Variants in CLEC12A observed in about 807,000 individuals in gnomAD.
CLEC12A encodes C-type lectin protein CLL-1.
A neutral mutation model predicts 26.5 loss-of-function variants in CLEC12A; 22 were observed. That is an observed-to-expected ratio of 0.83 (90% confidence interval 0.59 to 1.19). The LOEUF is 1.19. Ranked by LOEUF, CLEC12A falls within the 50% of genes most tolerant of loss-of-function variation. The probability of loss-of-function intolerance (pLI) is 0.00; values close to 1 mark genes in which losing one functional copy is unlikely to be tolerated. For synonymous variants in CLEC12A, 119 were observed against 101.9 expected (o/e 1.17, Z -1.01); for missense variants, 353 against 315.6 (o/e 1.12, Z -0.90).
At chr12:9,995,319 G>T in exon 5 of CLEC12A, 1 of 1,296,752 alleles carries the variant, frequency 7.7e-7, no homozygotes, top group Non-Finnish European at 1.1e-6. Context: ...AAAGCTTCAT[G>T]ATAAGACGTT....
chr12:9,956,487 A>C (rs1447876), intron 1 of CLEC12A, among the ~76,000 whole-genome samples: 43,372 of 151,968 alleles, frequency 0.29, 6,691 homozygotes, highest in East Asian at 0.47. Context: ...GGCCCAGAAA[A>C]CTCAAGTTGT....
downstream of CLEC12A, among the ~76,000 whole-genome samples, chr12:9,990,335 T>C (rs1864863515): frequency 6.6e-6 from 1 of 152,194 alleles, no homozygotes; most frequent in Admixed American, 6.6e-5. Context: ...AAAAGATTTG[T>C]GATTCATGGA....
At chr12:9,993,966 CTTTCA>C (rs1447228450) in intron 4 of CLEC12A, among the ~76,000 whole-genome samples, 1 of 151,996 alleles carries the variant, frequency 6.6e-6, no homozygotes, top group Non-Finnish European at 1.5e-5. Flanking sequence ...TGTTGGGGAA[CTTTCA>C]TTTAAGTGGG....
At chr12:9,975,155 C>G (rs1438381898) in intron 1 of CLEC12A, among the ~76,000 whole-genome samples, 1 of 152,032 alleles carries the variant, frequency 6.6e-6, no homozygotes, top group Non-Finnish European at 1.5e-5. Context: ...CTTTATCAGT[C>G]GTGTGAAAAT....
At chr12:9,989,201 C>G (rs1362721703), downstream of CLEC12A, among the ~76,000 whole-genome samples, 1 of 94,344 alleles carries the variant, frequency 1.1e-5, no homozygotes, top group Non-Finnish European at 2.0e-5. Flanking sequence ...CATCACACAC[C>G]GGGGCCTGTT....
upstream of CLEC12A, among the ~76,000 whole-genome samples, chr12:9,970,397 A>T (rs970262010): frequency 3.3e-5 from 5 of 152,288 alleles, no homozygotes; most frequent in African/African-American, 7.2e-5. Context: ...ATTGATTTTT[A>T]AAAATATTTA....
chr12:9,954,436 AGTGAG>A (rs1863708697), intron 1 of CLEC12A, among the ~76,000 whole-genome samples: 1 of 152,064 alleles, frequency 6.6e-6, no homozygotes, highest in Non-Finnish European at 1.5e-5. Context: ...TTGAGGCTGC[AGTGAG>A]CCTTGATCAC....
In CLEC12A at chr12:9,985,173, T is replaced by A. The variant is rs1864727508; in HGVS notation, c.*147T>A. On this transcript the variant is annotated 3_prime_UTR_variant, in exon 6 of 6. Transcript: ENST00000304361. ...AGATGAAACATCCAGGTAGCAAGCT[T>A]CAGAGAGAATAGACTGTGAATGTTA... 1.2e-6 allele frequency: 1 copy of A among 862,360 alleles called. No homozygotes were observed. The allele number at this position is 862,360 out of a possible 1,614,324, so 53.4% of individuals were successfully genotyped here. A position where few individuals can be genotyped will look rare whatever the true frequency, so the allele number is the denominator to read the frequency against.
At position 9,985,286 on chromosome 12, in the gene CLEC12A, GT is replaced by G. The variant is rs71049028; in HGVS notation, c.*262del. Reference sequence around the variant, plus strand: ...GAGGAAGAGGAAGTCCATTCAGATAGTTGTGGGGGGCCTTCGAATTTTCATT... The same window carrying G: ...GAGGAAGAGGAAGTCCATTCAGATAGTGTGGGGGGCCTTCGAATTTTCATT... On this transcript the variant is annotated 3_prime_UTR_variant, in exon 6 of 6. Coordinates refer to ENST00000304361, the MANE Select transcript of CLEC12A (RefSeq NM_138337.6). 64,847 of 403,356 alleles carry G rather than the reference GT, an allele frequency of 0.16. 5,635 individuals are homozygous for G. Among genetic ancestry groups the G allele is most frequent in the South Asian group, 0.35 (2,542 of 7,176 alleles). The allele number at this position is 403,356 out of a possible 1,614,324, so 25.0% of individuals were successfully genotyped here. A position where few individuals can be genotyped will look rare whatever the true frequency, so the allele number is the denominator to read the frequency against.
chr12:10,002,866 T>C, the CLEC12A span, among the ~76,000 whole-genome samples: 4 of 152,226 alleles, frequency 2.6e-5, no homozygotes, highest in Admixed American at 2.6e-4. Context: ...TAAGGCTGAA[T>C]AATGAGTTAA....
chr12:9,986,073 G>A (rs1864758223), downstream of CLEC12A: 1 of 452,260 alleles, frequency 2.2e-6, no homozygotes, highest in Non-Finnish European at 4.5e-6. Flanking sequence ...AGCATTCTCA[G>A]TGAAATACAG....
Position 9,982,086 on chromosome 12 carries a change from A to C in CLEC12A, c.598A>C (p.Thr200Pro). 1.9e-6 allele frequency: 3 copies of C among 1,601,060 alleles called. No individual in the cohort carries two copies. The highest frequency in any genetic ancestry group is 8.6e-7 in the Non-Finnish European group (1 of 1,169,008). ...WLGLSPEEDS[T>P]RGMRVDNIIN... ...GGGATTATCTCCTGAAGAAGATTCC[A>C]CTCGTGGTATGAGAGTGGATAATAT... is the stretch of plus-strand genomic sequence containing the variant. Residue 200 changes from threonine (T) to proline (P), a missense_variant, in exon 5 of 6, where the codon ACT becomes CCT. Physicochemically the swap from Thr to Pro is conservative, Grantham distance 38 (BLOSUM62 -1). Transcript: ENST00000304361.
chr12:10,001,541 G>A, the CLEC12A span, among the ~76,000 whole-genome samples: 13 of 152,150 alleles, frequency 8.5e-5, no homozygotes, highest in Non-Finnish European at 1.3e-4. Context: ...TGACTTTGTG[G>A]TGTTAGAAGC....
At chr12:9,973,804 A>T (rs760425090) in intron 1 of CLEC12A, among the ~76,000 whole-genome samples, 1 of 151,682 alleles carries the variant, frequency 6.6e-6, no homozygotes, top group African/African-American at 2.4e-5. Flanking sequence ...GACTTCCGTA[A>T]TTTTTTCCTT....
upstream of CLEC12A, among the ~76,000 whole-genome samples, chr12:9,971,224 A>G (rs1174263847): frequency 1.3e-5 from 2 of 152,168 alleles, no homozygotes; most frequent in African/African-American, 2.4e-5. Flanking sequence ...TGTCTGCACC[A>G]TGTGGTGCTA....
At chr12:9,983,948 G>C in intron 5 of CLEC12A, 1 of 197,000 alleles carries the variant, frequency 5.1e-6, no homozygotes, top group Non-Finnish European at 1.1e-5. Flanking sequence ...TCAGGAGAGA[G>C]TACAGATGGA....
At chr12:9,995,613 GC>G (rs1338789652) in exon 5 of CLEC12A, 1 of 333,074 alleles carries the variant, frequency 3.0e-6, no homozygotes, top group Non-Finnish European at 5.8e-6. Context: ...TTGTTGATGA[GC>G]TGTATATTCC....
At chr12:9,983,429 C>G in intron 5 of CLEC12A, 1 of 651,718 alleles carries the variant, frequency 1.5e-6, no homozygotes, top group East Asian at 2.7e-5. Flanking sequence ...TGGATTTATA[C>G]GTTGTATTTG....
Position 9,953,308 on chromosome 12 carries a change from T to TGGG in CLEC12A, c.10+1956_10+1958dup, listed in dbSNP as rs561470860. On this transcript the variant is annotated intron_variant, in intron 1 of 6. Coordinates refer to the CLEC12A transcript ENST00000355690. The stretch of plus-strand genomic sequence containing the variant: ...CCAGCCACCCCGTCTGGGACGGAGA[T>TGGG]GGGGGGTCAGCCCCCCCGCCCAGCC... 8 of 11,466 alleles carry TGGG rather than the reference T, an allele frequency of 7.0e-4. 3 individuals are homozygous for TGGG. Among genetic ancestry groups the TGGG allele is most frequent in the African/African-American group, 3.2e-3 (8 of 2,500 alleles). The allele number at this position is 11,466 out of a possible 1,614,324, so 0.7% of individuals were successfully genotyped here. A position where few individuals can be genotyped will look rare whatever the true frequency, so the allele number is the denominator to read the frequency against.
Sources: allele counts gnomAD v4.1 joint callset (sites outside exome capture counted in the v4.1 genomes callset), GRCh38; gene constraint gnomAD v4.1.1; transcripts MANE v1.5; gene names NCBI Gene and HGNC (gene_info 2026-07-23, HGNC 2026-07-21).